NEMF: variants seen among roughly 807,000 people sequenced by gnomAD.
NEMF encodes ribosome quality control complex subunit NEMF.
In NEMF, 89 loss-of-function variants were observed where a neutral mutation model predicts 162.2. That is an observed-to-expected ratio of 0.55 (90% CI 0.46 to 0.65). The LOEUF is 0.65. NEMF is among the 30% of genes least tolerant of loss of function. NEMF has a pLI of 0.00. For missense variants in NEMF, 1,133 were observed against 1,261.9 expected (o/e 0.90, Z 1.55); for synonymous variants, 421 against 404.5 (o/e 1.04, Z -0.49).
chr14:49,834,285 C>T (rs1336505617), intron 7 of NEMF, 78 bp downstream of exon 7: 10 of 916,176 alleles, frequency 1.1e-5, no homozygotes, highest in Non-Finnish European at 1.8e-5. Flanking sequence ...ACCACCTGCT[C>T]CCTTATTACT....
At chr14:49,800,391 T>C in intron 23 of NEMF, 29 bp downstream of exon 23, 1 of 1,502,904 alleles carries the variant, frequency 6.7e-7, no homozygotes, top group Non-Finnish European at 9.0e-7. Context: ...GCTTACACAA[T>C]AATATGTAAA....
intron 3 of NEMF, among the ~76,000 whole-genome samples, chr14:49,851,114 G>C (rs1446932326): frequency 2.6e-5 from 4 of 152,170 alleles, no homozygotes; most frequent in Admixed American, 6.5e-5. Flanking sequence ...TGAGGCAAGA[G>C]AATCACTTGA....
chr14:49,849,892 G>C (rs1362925473), intron 3 of NEMF, among the ~76,000 whole-genome samples: 2 of 152,124 alleles, frequency 1.3e-5, no homozygotes, highest in Non-Finnish European at 2.9e-5. Context: ...TTAATAATCT[G>C]AGAATTTTGT....
rs763992171 is a variant in NEMF at position 49,802,594 on chromosome 14, C to T, written c.1975-21G>A. On this transcript the variant is annotated intron_variant, in intron 21 of 32. Coordinates refer to ENST00000298310, the MANE Select transcript of NEMF (RefSeq NM_004713.6). The stretch of plus-strand genomic sequence containing the variant: ...TCTACCTAAAGAAACAGTTATTTTT[C>T]AGTGACGGAGCTTCAGACAAGACTA... 1.9e-6 allele frequency: 3 copies of T among 1,612,648 alleles called. No homozygotes were observed. In the Admixed American group the frequency reaches 5.0e-5, roughly 27 times the overall value.
chr14:49,801,348 C>G (rs1890943263), intron 22 of NEMF: 2 of 152,008 alleles, frequency 1.3e-5, no homozygotes, highest in African/African-American at 4.8e-5. Context: ...ATTAGCCAGG[C>G]GTGGTGGCAG....
Position 49,783,768 on chromosome 14 carries a change from G to C in NEMF, c.*868C>G, listed in dbSNP as rs1890028388. On this transcript the variant is annotated 3_prime_UTR_variant, in exon 33 of 33. Coordinates refer to ENST00000298310, the MANE Select transcript of NEMF (RefSeq NM_004713.6). The stretch of plus-strand genomic sequence containing the variant: ...AATCAGATTACAAGGAAAAAATTAA[G>C]ATCAAACCTGAAGGTCTACAAATGA... The C allele has an allele frequency of 6.6e-6, 1 of 152,020 alleles. No homozygotes were observed. The highest frequency in any genetic ancestry group is 2.1e-4 in the South Asian group (1 of 4,826). The allele number at this position is 152,020 out of a possible 1,614,324, so 9.4% of individuals were successfully genotyped here.
rs562450675 is a variant in NEMF, at chr14:49,789,857, A to G, written c.2620-284T>C. Among the ~76,000 whole-genome samples the G allele has an allele frequency of 2.6e-5, 4 of 152,352 alleles. No individual in the cohort carries two copies. The South Asian group carries it at 8.3e-4, about 32-fold the overall frequency. Reference sequence around the variant, plus strand: ...TAAAGTAAAACAGTATTGGAAAAGCAAGTCTAAAAAGGAAGAGAACAGTAA... The same window carrying G: ...TAAAGTAAAACAGTATTGGAAAAGCGAGTCTAAAAAGGAAGAGAACAGTAA... On this transcript the variant is annotated intron_variant, in intron 26 of 32. Transcript: ENST00000298310.
chr14:49,800,798 T>A, intron 22 of NEMF, 102 bp from the exon 23 acceptor site: 1 of 1,136,938 alleles, frequency 8.8e-7, no homozygotes, highest in Non-Finnish European at 1.3e-6. Context: ...CCCATATTTC[T>A]CCAAAAAATC....
At chr14:49,820,552 T>C in intron 16 of NEMF, 2 of 454,802 alleles carry the variant, frequency 4.4e-6, no homozygotes, top group South Asian at 1.6e-5. Context: ...GTGGATCACT[T>C]GAGGTCAGGA....
rs1436731788 is a variant in NEMF at position 49,828,769 on chromosome 14, ACAT to A, written c.1268_1270del (p.Asp423del). On this transcript the variant is annotated inframe_deletion, in exon 14 of 33. Coordinates refer to ENST00000298310, the MANE Select transcript of NEMF (RefSeq NM_004713.6). ...TTTCTCAACATTGACGTCACCATCA[ACAT>A]CATCATCTTCCTCCTCTGATAACAA... is the stretch of plus-strand genomic sequence containing the variant. 6.4e-7 allele frequency: 1 copy of A among 1,559,880 alleles called. No homozygotes were observed. The highest frequency in any genetic ancestry group is 8.7e-7 in the Non-Finnish European group (1 of 1,144,420).
chr14:49,843,384 C>T (rs1055176102), intron 4 of NEMF, among the ~76,000 whole-genome samples: 2 of 152,112 alleles, frequency 1.3e-5, no homozygotes, highest in South Asian at 4.1e-4. Flanking sequence ...GTACCAGCTA[C>T]ATGAAAGGCT....
rs8021962 is a variant in NEMF, at chr14:49,823,853, G to A, written c.1577+2014C>T. On this transcript the variant is annotated intron_variant, in intron 16 of 32. Transcript: ENST00000298310. ...GAAATATCTACAAGCTTGTAGAGAG[G>A]CAAAAACAAGTTTCATGTAAAATAT... Among the ~76,000 whole-genome samples the A allele has an allele frequency of 1.7e-3, 253 of 152,246 alleles. 2 individuals are homozygous for A. The highest frequency in any genetic ancestry group is 5.9e-3 in the African/African-American group (247 of 41,538).
At chr14:49,843,963 G>A (rs1893341463) in intron 4 of NEMF, among the ~76,000 whole-genome samples, 1 of 152,004 alleles carries the variant, frequency 6.6e-6, no homozygotes, top group Non-Finnish European at 1.5e-5. Context: ...GCTGGGCATG[G>A]TAGTACATGC....
chr14:49,835,943 A>G (rs1446535715), intron 6 of NEMF, among the ~76,000 whole-genome samples: 1 of 152,244 alleles, frequency 6.6e-6, no homozygotes, highest in African/African-American at 2.4e-5. Flanking sequence ...GAGAGAAATT[A>G]AAGATCTAAA....
At chr14:49,849,747 A>G (rs922465392) in intron 3 of NEMF, 1 of 152,224 alleles carries the variant, frequency 6.6e-6, no homozygotes, top group Non-Finnish European at 1.5e-5. Flanking sequence ...CTGAGTTGCT[A>G]AACAACTTAA....
At chr14:49,800,851 AAAAGAAT>A (rs2139857739) in intron 22 of NEMF, 155 bp from the exon 23 acceptor site, 1 of 653,810 alleles carries the variant, frequency 1.5e-6, no homozygotes, top group East Asian at 2.7e-5. Flanking sequence ...ACTCTTAGAC[AAAAGAAT>A]AACCTGTATC....
intron 3 of NEMF, among the ~76,000 whole-genome samples, chr14:49,851,302 C>T (rs1198131753): frequency 6.6e-6 from 1 of 152,154 alleles, no homozygotes; most frequent in African/African-American, 2.4e-5. Flanking sequence ...AGTTAAGGAA[C>T]TGTAAGGCTG....
chr14:49,834,319 T>A, intron 7 of NEMF, 44 bp downstream of exon 7: 1 of 1,394,784 alleles, frequency 7.2e-7, no homozygotes, highest in African/African-American at 1.4e-5. Flanking sequence ...TTTTCATAGT[T>A]TAAAAAAAAT....
chr14:49,842,972 C>T (rs578219391), intron 4 of NEMF, among the ~76,000 whole-genome samples: 122 of 152,060 alleles, frequency 8.0e-4, no homozygotes, highest in Admixed American at 6.6e-4. Flanking sequence ...CACCACTGCA[C>T]TCCAGCCTGG....
Sources: gnomAD v4.1 joint callset for allele counts (sites outside exome capture counted in the v4.1 genomes callset) on GRCh38, gnomAD v4.1.1 for gene constraint, MANE v1.5 for transcripts, NCBI Gene and HGNC (gene_info 2026-07-23, HGNC 2026-07-21) for gene names.